MCPH1: variants seen among roughly 807,000 people sequenced by gnomAD.
The protein encoded by MCPH1 is microcephalin.
In MCPH1, 104 loss-of-function variants were observed where a neutral mutation model predicts 84.5. That is an observed-to-expected ratio of 1.23 (90% confidence interval 1.05 to 1.45). MCPH1 has a LOEUF of 1.45. Ranked by LOEUF, MCPH1 falls within the 40% of genes most tolerant of loss-of-function variation. The pLI, the probability that MCPH1 is intolerant of heterozygous loss-of-function variation, is 0.00. For synonymous variants in MCPH1, 514 were observed against 366.8 expected (o/e 1.40, Z -4.58); for missense variants, 1,498 against 1,005.7 (o/e 1.49, Z -6.62).
In MCPH1 at chr8:6,445,163, A is replaced by G. The variant is rs768776312; in HGVS notation, c.1441A>G (p.Ile481Val). ...CATTACCAATTTCACAGCAAAAACC[A>G]TCTCCAGTCCTCGGAAAACTGGAAA... ...VDITNFTAKT[I>V]SSPRKTGNGE... is the part of the protein sequence containing the mutation. Residue 481 changes from isoleucine (I) to valine (V), a missense_variant, in exon 8 of 14, where the codon ATC becomes GTC. Physicochemically the swap from Ile to Val is conservative, Grantham distance 29 (BLOSUM62 3). Coordinates refer to ENST00000344683, the MANE Select transcript of MCPH1 (RefSeq NM_024596.5). 8.7e-6 allele frequency: 14 copies of G among 1,614,214 alleles called. No individual in the cohort carries two copies. In the African/African-American group the frequency reaches 1.6e-4, roughly 18 times the overall value.
At chr8:6,625,305 G>A in intron 13 of MCPH1, 3 of 985,470 alleles carry the variant, frequency 3.0e-6, no homozygotes, top group Non-Finnish European at 3.6e-6. Context: ...GGCAGGCGTA[G>A]GCTTCTTAAG....
Position 6,647,080 on chromosome 8 carries a change from A to G in MCPH1, c.*4031A>G, listed in dbSNP as rs1353524034. 1 of 152,238 alleles carries G rather than the reference A, an allele frequency of 6.6e-6. No homozygotes were observed. The highest frequency in any genetic ancestry group is 2.4e-5 in the African/African-American group (1 of 41,464). The allele number at this position is 152,238 out of a possible 1,614,324, so 9.4% of individuals were successfully genotyped here. ...CTGATAAAGGACTTGTACCCAGACC[A>G]TGTAAAGAACTCATAACTCATTAAT... On this transcript the variant is annotated 3_prime_UTR_variant, in exon 14 of 14. Coordinates refer to ENST00000344683, the MANE Select transcript of MCPH1 (RefSeq NM_024596.5).
At chr8:6,407,601 C>G (rs1042682245) in intron 1 of MCPH1, among the ~76,000 whole-genome samples, 12 of 152,130 alleles carry the variant, frequency 7.9e-5, no homozygotes, top group Admixed American at 3.3e-4. Flanking sequence ...AACCTCATAG[C>G]CAAAAGTAAA....
chr8:6,576,024 A>C (rs1478302826), intron 12 of MCPH1, among the ~76,000 whole-genome samples: 6 of 146,352 alleles, frequency 4.1e-5, no homozygotes, highest in Non-Finnish European at 7.5e-5. Context: ...TTGTTACAAC[A>C]ACCCTAGCAA....
At chr8:6,617,090 G>A (rs940683397) in intron 12 of MCPH1, 2 of 151,964 alleles carry the variant, frequency 1.3e-5, no homozygotes, top group Non-Finnish European at 2.9e-5. Flanking sequence ...TTCCTACCTT[G>A]TAGGAAAGCC....
At chr8:6,425,855 G>C (rs1800983670) in intron 3 of MCPH1, among the ~76,000 whole-genome samples, 1 of 152,170 alleles carries the variant, frequency 6.6e-6, no homozygotes, top group Non-Finnish European at 1.5e-5. Flanking sequence ...CCTGATGATG[G>C]TGGTGATTTT....
chr8:6,608,749 G>A (rs1829993873), intron 12 of MCPH1, among the ~76,000 whole-genome samples: 1 of 152,194 alleles, frequency 6.6e-6, no homozygotes, highest in Non-Finnish European at 1.5e-5. Flanking sequence ...AACTCCCCGG[G>A]TGACTGCCCT....
chr8:6,430,876 A>G (rs1215243346), intron 3 of MCPH1, among the ~76,000 whole-genome samples: 4 of 152,238 alleles, frequency 2.6e-5, no homozygotes, highest in Non-Finnish European at 5.9e-5. Context: ...TTAGAAAATC[A>G]TAATTATTTA....
intron 12 of MCPH1, among the ~76,000 whole-genome samples, chr8:6,574,926 C>T (rs527546504): frequency 7.9e-5 from 12 of 152,162 alleles, no homozygotes; most frequent in South Asian, 2.1e-4. Context: ...ATTCGAAAAA[C>T]GGCAAAAAAT....
At chr8:6,528,606 G>C (rs2922887) in intron 12 of MCPH1, among the ~76,000 whole-genome samples, 67,999 of 152,178 alleles carry the variant, frequency 0.45, 16,501 homozygotes, top group African/African-American at 0.65. Flanking sequence ...GCCTTTGTGA[G>C]CTACTGCGTG....
chr8:6,549,338 G>C (rs529497706), intron 12 of MCPH1, among the ~76,000 whole-genome samples: 32 of 152,276 alleles, frequency 2.1e-4, no homozygotes, highest in Middle Eastern at 3.4e-3. Flanking sequence ...TAATAAAAGA[G>C]ACCAAAAAGG....
intron 3 of MCPH1, among the ~76,000 whole-genome samples, chr8:6,430,345 C>T (rs7002187): frequency 0.2 from 30,609 of 152,120 alleles, 3,544 homozygotes; most frequent in African/African-American, 0.31. Flanking sequence ...CGTTTTGCTT[C>T]GGAAAATTCC....
At chr8:6,437,029 T>C (rs2442514) in intron 5 of MCPH1, among the ~76,000 whole-genome samples, 2 of 151,974 alleles carry the variant, frequency 1.3e-5, no homozygotes, top group East Asian at 3.9e-4. Context: ...TATTTCTGTT[T>C]TGCCTTTTTC....
At chr8:6,446,652 G>A (rs1393085220) in intron 8 of MCPH1, 1 of 982,650 alleles carries the variant, frequency 1.0e-6, no homozygotes, top group East Asian at 1.1e-4. Context: ...AACAATAGAT[G>A]TGTAAAATTC....
chr8:6,606,585 C>G (rs1377613334), intron 12 of MCPH1, among the ~76,000 whole-genome samples: 1 of 152,170 alleles, frequency 6.6e-6, no homozygotes, highest in Non-Finnish European at 1.5e-5. Context: ...CCCTCCCACA[C>G]AGGGAGCAAG....
intron 11 of MCPH1, among the ~76,000 whole-genome samples, chr8:6,495,849 C>T (rs942010037): frequency 1.2e-4 from 19 of 152,172 alleles, no homozygotes; most frequent in African/African-American, 4.3e-4. Flanking sequence ...TGTTTGAAAT[C>T]AACTACATTC....
intron 12 of MCPH1, among the ~76,000 whole-genome samples, chr8:6,552,706 A>G (rs1823867931): frequency 6.6e-6 from 1 of 152,180 alleles, no homozygotes; most frequent in Non-Finnish European, 1.5e-5. Context: ...CTACAAGTTC[A>G]CTGATGTAGG....
intron 12 of MCPH1, among the ~76,000 whole-genome samples, chr8:6,530,973 T>C (rs1397485596): frequency 6.6e-6 from 1 of 151,590 alleles, no homozygotes; most frequent in African/African-American, 2.4e-5. Context: ...TAATATGGAG[T>C]GGGGATTGTT....
At position 6,644,547 on chromosome 8, in the gene MCPH1, C is replaced by T. The variant is rs1284178003; in HGVS notation, c.*1498C>T. On this transcript the variant is annotated 3_prime_UTR_variant, in exon 14 of 14. Transcript: ENST00000344683. ...AAATCAGCATTTCCAAACACAGTAA[C>T]ATTCAAGCTGAGCACCAAATCAAGA... is the stretch of plus-strand genomic sequence containing the variant. The T allele has an allele frequency of 1.3e-5, 2 of 152,134 alleles. No individual in the cohort carries two copies. The highest frequency in any genetic ancestry group is 4.8e-5 in the African/African-American group (2 of 41,436). 9.4% of individuals were successfully genotyped at this position (152,134 alleles called of 1,614,324 possible). A position where few individuals can be genotyped will look rare whatever the true frequency, so the allele number is the denominator to read the frequency against.
Sources: allele counts gnomAD v4.1 joint callset (sites outside exome capture counted in the v4.1 genomes callset), GRCh38; gene constraint gnomAD v4.1.1; transcripts MANE v1.5; gene names NCBI Gene and HGNC (gene_info 2026-07-23, HGNC 2026-07-21).